Variants in ACAD10 observed in about 807,000 individuals in gnomAD.
The protein encoded by ACAD10 is acyl-CoA dehydrogenase family member 10, also known as ACAD-10.
A neutral mutation model predicts 116.8 loss-of-function variants in ACAD10; 112 were observed. The ratio of observed to expected loss-of-function variants is 0.96; its 90% CI spans 0.82 to 1.12. The LOEUF (loss-of-function observed/expected upper bound fraction) is 1.12. Among genes scored for constraint, ACAD10 ranks in the 50% most tolerant of loss-of-function variants. The probability of loss-of-function intolerance (pLI) is 0.00; values close to 1 mark genes in which losing one functional copy is unlikely to be tolerated. For synonymous variants in ACAD10, 486 were observed against 510.6 expected, an observed-to-expected ratio of 0.95 and a Z score of 0.65; for missense variants, 1,259 against 1,350.2, an observed-to-expected ratio of 0.93 and a Z score of 1.06.
At chr12:111,716,695 A>C (rs1272551508) in intron 7 of ACAD10, among the ~76,000 whole-genome samples, 6 of 151,862 alleles carry the variant, frequency 4.0e-5, no homozygotes, top group African/African-American at 1.5e-4. Context: ...TCTCTACCAA[A>C]AATACGAAAA....
intron 1 of ACAD10, among the ~76,000 whole-genome samples, chr12:111,687,797 C>T (rs1887917318): frequency 2.0e-5 from 3 of 151,966 alleles, no homozygotes; most frequent in Non-Finnish European, 4.4e-5. Flanking sequence ...GTAGTAGTGG[C>T]AGAGCTGGAA....
At chr12:111,723,637 C>T (rs1392055678) in intron 8 of ACAD10, among the ~76,000 whole-genome samples, 9 of 135,544 alleles carry the variant, frequency 6.6e-5, no homozygotes, top group South Asian at 2.4e-4. Flanking sequence ...GCTGGCCGGG[C>T]GGGGGGCTGA....
At chr12:111,707,568 A>G (rs2135954573) in intron 4 of ACAD10, among the ~76,000 whole-genome samples, 1 of 152,322 alleles carries the variant, frequency 6.6e-6, no homozygotes, top group South Asian at 2.1e-4. Context: ...ATTCTGAGTC[A>G]GTGCAAAAGG....
chr12:111,709,475 G>C (rs1329539516), intron 4 of ACAD10, 51 bp from the exon 5 acceptor site: 6 of 1,451,888 alleles, frequency 4.1e-6, no homozygotes, highest in African/African-American at 1.4e-5. Context: ...GCATGCATGT[G>C]GGAGCTCCAC....
chr12:111,705,102 C>T (rs950993878), intron 3 of ACAD10, among the ~76,000 whole-genome samples: 1 of 151,930 alleles, frequency 6.6e-6, no homozygotes, highest in African/African-American at 2.4e-5. Context: ...TAAATGACTT[C>T]TCAATCATTA....
At chr12:111,727,472 C>T (rs190517550) in intron 8 of ACAD10, among the ~76,000 whole-genome samples, 2,868 of 152,034 alleles carry the variant, frequency 0.019, 41 homozygotes, top group Non-Finnish European at 0.025. Flanking sequence ...TGCAGTGAGC[C>T]GAGATCGCGC....
At chr12:111,704,242 A>G (rs888646718) in intron 3 of ACAD10, among the ~76,000 whole-genome samples, 23 of 151,834 alleles carry the variant, frequency 1.5e-4, no homozygotes, top group African/African-American at 5.1e-4. Flanking sequence ...CCCGGGTTCA[A>G]GCGATTCTCC....
At chr12:111,724,735 A>G (rs1291848243) in intron 8 of ACAD10, among the ~76,000 whole-genome samples, 1 of 150,760 alleles carries the variant, frequency 6.6e-6, no homozygotes, top group Non-Finnish European at 1.5e-5. Context: ...GTGAGCTGAG[A>G]TGGCAGCAGT....
chr12:111,747,299 C>T lies in ACAD10; in HGVS notation c.2399C>T (p.Ala800Val). 1 of 1,614,144 alleles carries T rather than the reference C, an allele frequency of 6.2e-7. No homozygotes were observed. The highest frequency in any genetic ancestry group is 8.5e-7 in the Non-Finnish European group (1 of 1,180,012). The change falls in exon 16 of 21, where the codon GCC becomes GTC. Residue 800 changes from alanine (A) to valine (V), a missense_variant. Coordinates refer to ENST00000313698, the MANE Select transcript of ACAD10 (RefSeq NM_025247.6). ...SCFAMTEPQV[A>V]SSDATNIEAS... Reference sequence around the variant, plus strand: ...TGGAATATGCTCCCCACTCAGGTTGCCTCTTCAGATGCCACCAACATTGAG... The same window carrying T: ...TGGAATATGCTCCCCACTCAGGTTGTCTCTTCAGATGCCACCAACATTGAG...
intron 2 of ACAD10, among the ~76,000 whole-genome samples, chr12:111,695,535 A>G (rs1188001557): frequency 6.6e-6 from 1 of 152,116 alleles, no homozygotes; most frequent in Non-Finnish European, 1.5e-5. Flanking sequence ...CCAGGACCCC[A>G]GGTCTGGGAT....
intron 17 of ACAD10, chr12:111,748,836 G>A (rs1272131696): frequency 1.5e-6 from 1 of 669,820 alleles, no homozygotes; most frequent in East Asian, 3.6e-5. Flanking sequence ...CTCCCAGTTT[G>A]GTTCTCTGCT....
intron 12 of ACAD10, 35 bp from the exon 13 acceptor site, chr12:111,744,608 G>A (rs779162415): frequency 6.3e-7 from 1 of 1,586,862 alleles, no homozygotes; most frequent in Non-Finnish European, 8.6e-7. Context: ...TGGGTCGTGT[G>A]GGAGTAATCA....
chr12:111,705,310 C>T (rs1230679747), intron 3 of ACAD10, among the ~76,000 whole-genome samples: 3 of 152,108 alleles, frequency 2.0e-5, no homozygotes, highest in African/African-American at 2.4e-5. Context: ...ACTGCAGCTC[C>T]AATCTCCCAG....
At position 111,756,910 on chromosome 12, in the gene ACAD10, C is replaced by T. The variant is rs1021351715; in HGVS notation, c.*437C>T. The T allele has an allele frequency of 1.3e-5, 6 of 458,076 alleles. No homozygotes were observed. Among genetic ancestry groups the T allele is most frequent in the Middle Eastern group, 6.4e-4 (2 of 3,104 alleles). The allele number at this position is 458,076 out of a possible 1,614,324, so 28.4% of individuals were successfully genotyped here. On this transcript the variant is annotated 3_prime_UTR_variant, in exon 21 of 21. Coordinates refer to ENST00000313698, the MANE Select transcript of ACAD10 (RefSeq NM_025247.6). ...CTGGCCTCCCTGGTGAGCAGAGGGGCGGCCACGGCGGGCGGTGGCCTAGAG... is the reference window on the plus strand; with the variant it reads ...CTGGCCTCCCTGGTGAGCAGAGGGGTGGCCACGGCGGGCGGTGGCCTAGAG...
chr12:111,723,701 C>T (rs1171393263), intron 8 of ACAD10, among the ~76,000 whole-genome samples: 3 of 150,852 alleles, frequency 2.0e-5, no homozygotes, highest in Non-Finnish European at 3.0e-5. Flanking sequence ...CCCCCACCTC[C>T]CTCCCGGACG....
intron 8 of ACAD10, among the ~76,000 whole-genome samples, chr12:111,723,458 G>T (rs1100127): frequency 1.6e-5 from 2 of 128,660 alleles, no homozygotes; most frequent in Non-Finnish European, 1.7e-5. Context: ...GCAGCTGGCC[G>T]GGCGGGGGGC....
chr12:111,709,150 A>G (rs1888594368), intron 4 of ACAD10, among the ~76,000 whole-genome samples: 1 of 151,818 alleles, frequency 6.6e-6, no homozygotes, highest in Non-Finnish European at 1.5e-5. Flanking sequence ...ATGCTTTGTC[A>G]TTTTGGAACC....
At chr12:111,729,724 G>T in intron 9 of ACAD10, 82 bp from the exon 10 acceptor site, 1 of 1,524,522 alleles carries the variant, frequency 6.6e-7, no homozygotes, top group Non-Finnish European at 9.0e-7. Flanking sequence ...ATGACAAAGG[G>T]TTTCACTGCA....
chr12:111,712,472 C>G, intron 5 of ACAD10, 26 bp from the exon 6 acceptor site: 2 of 1,593,698 alleles, frequency 1.3e-6, no homozygotes, highest in Non-Finnish European at 1.7e-6. Context: ...AAAAAATATA[C>G]ATCTACATAT....
Sources: allele counts gnomAD v4.1 joint callset (sites outside exome capture counted in the v4.1 genomes callset), GRCh38; gene constraint gnomAD v4.1.1; transcripts MANE v1.5; gene names NCBI Gene and HGNC (gene_info 2026-07-23, HGNC 2026-07-21).